The following DUSP4 variants were observed in gnomAD, a reference collection of about 807,000 sequenced individuals.
DUSP4 encodes the protein dual specificity protein phosphatase 4.
In DUSP4, 12 loss-of-function variants were observed where a neutral mutation model predicts 27.2. The observed-to-expected ratio is 0.44, with a 90% confidence interval of 0.28 to 0.71. DUSP4 has a LOEUF of 0.71. DUSP4 is among the 30% of genes least tolerant of loss of function. The probability of loss-of-function intolerance (pLI) is 0.14; values close to 1 mark genes in which losing one functional copy is unlikely to be tolerated. For missense variants in DUSP4, 448 were observed against 551.3 expected (o/e 0.81, Z 1.88); for synonymous variants, 257 against 245.2 (o/e 1.05, Z -0.45).
At chr8:29,339,878 G>C (rs968585591) in intron 2 of DUSP4, among the ~76,000 whole-genome samples, 2 of 149,114 alleles carry the variant, frequency 1.3e-5, no homozygotes, top group African/African-American at 5.0e-5. Context: ...GCCAGGCATG[G>C]TAGTGCCACC....
intron 1 of DUSP4, chr8:29,348,347 G>C: frequency 1.0e-6 from 1 of 985,670 alleles, no homozygotes; most frequent in South Asian, 4.7e-5. Context: ...GCCTAACCAG[G>C]ACCTGGCCCC....
chr8:29,340,482 C>G lies in DUSP4; in HGVS notation c.434-239G>C, dbSNP rs112405498. 1.5e-3 allele frequency among the ~76,000 whole-genome samples: 226 copies of G among 152,264 alleles called. 2 individuals are homozygous for G. The highest frequency in any genetic ancestry group is 2.5e-3 in the Admixed American group (39 of 15,296). On this transcript the variant is annotated intron_variant, in intron 1 of 3. Coordinates refer to ENST00000240100, the MANE Select transcript of DUSP4 (RefSeq NM_001394.7). ...GGAAGGATAAGCTTTATGGACAAGA[C>G]TTGGGTTAGAGAGGTAGACATACAA...
At chr8:29,345,455 G>A in intron 1 of DUSP4, 1 of 1,613,908 alleles carries the variant, frequency 6.2e-7, no homozygotes, top group Non-Finnish European at 8.5e-7. Context: ...CTGGTTTGCA[G>A]TCTCTCCCAG....
chr8:29,339,831 C>CA (rs1374317509), intron 2 of DUSP4, among the ~76,000 whole-genome samples: 2 of 134,396 alleles, frequency 1.5e-5, no homozygotes, highest in East Asian at 2.4e-4. Context: ...TAGCAAGACC[C>CA]CCCCCCCCCA....
chr8:29,345,940 C>CGT lies in DUSP4; in HGVS notation c.433+3905_433+3906insAC, dbSNP rs1817727806. 9.6e-6 allele frequency: 6 copies of CGT among 624,072 alleles called. No individual in the cohort carries two copies. In the South Asian group the frequency reaches 4.8e-4, roughly 50 times the overall value. The allele number at this position is 624,072 out of a possible 1,614,324, so 38.7% of individuals were successfully genotyped here. A position where few individuals can be genotyped will look rare whatever the true frequency, so the allele number is the denominator to read the frequency against. ...TATTACATTTGTAAGCAGAAACTAC[C>CGT]ATATTTGCAAGCAGAAAAGCGAGTC... On this transcript the variant is annotated intron_variant, in intron 1 of 3. Coordinates refer to ENST00000240100, the MANE Select transcript of DUSP4 (RefSeq NM_001394.7).
rs71551628 is a variant in DUSP4 at position 29,339,828 on chromosome 8, A to ACC, written c.579+268_579+269dup. Among the ~76,000 whole-genome samples, 388 of 85,278 alleles carry ACC rather than the reference A, an allele frequency of 4.5e-3. 8 individuals are homozygous for ACC. Among genetic ancestry groups the ACC allele is most frequent in the Middle Eastern group, 0.011 (2 of 178 alleles). The allele number at this position is 85,278 out of a possible 152,430, so 55.9% of individuals were successfully genotyped here. On this transcript the variant is annotated intron_variant, in intron 2 of 3. Coordinates refer to ENST00000240100, the MANE Select transcript of DUSP4 (RefSeq NM_001394.7). ...AGACCAGCCTGGGCAACATAGCAAG[A>ACC]CCCCCCCCCCCCATCTCTACCAAAA...
At chr8:29,345,481 T>G in intron 1 of DUSP4, 1 of 1,607,668 alleles carries the variant, frequency 6.2e-7, no homozygotes, top group South Asian at 1.1e-5. Flanking sequence ...CTGGGCGATC[T>G]GCTATGTTCA....
chr8:29,342,045 T>C (rs760053390), intron 1 of DUSP4, among the ~76,000 whole-genome samples: 22 of 152,110 alleles, frequency 1.4e-4, no homozygotes, highest in Non-Finnish European at 3.1e-4. Flanking sequence ...CTGCAAAAAC[T>C]CACCACCAAG....
chr8:29,347,109 A>G (rs2117276246), intron 1 of DUSP4, among the ~76,000 whole-genome samples: 1 of 152,326 alleles, frequency 6.6e-6, no homozygotes, highest in Non-Finnish European at 1.5e-5. Context: ...CAATTCAGGC[A>G]TTTACTAAAG....
intron 1 of DUSP4, chr8:29,345,830 AACAT>A: frequency 8.9e-7 from 1 of 1,120,616 alleles, no homozygotes; most frequent in Non-Finnish European, 1.1e-6. Flanking sequence ...AATGGTGTCT[AACAT>A]AGTGAGTTTG....
Position 29,350,399 on chromosome 8 carries a change from T to G in DUSP4, c.-121A>C. Reference sequence around the variant, plus strand: ...ACGCCTGCAGAAGTGGCCGCAAACTTGGTCCTCAAGGGCTCCCGCGGGAGA... The same window carrying G: ...ACGCCTGCAGAAGTGGCCGCAAACTGGGTCCTCAAGGGCTCCCGCGGGAGA... On this transcript the variant is annotated 5_prime_UTR_variant, in exon 1 of 4. Coordinates refer to ENST00000240100, the MANE Select transcript of DUSP4 (RefSeq NM_001394.7). 1 of 1,268,682 alleles carries G rather than the reference T, an allele frequency of 7.9e-7. No homozygotes were observed. The highest frequency in any genetic ancestry group is 1.6e-5 in the South Asian group (1 of 62,402). 78.6% of individuals were successfully genotyped at this position (1,268,682 alleles called of 1,614,324 possible).
intron 2 of DUSP4, among the ~76,000 whole-genome samples, chr8:29,339,828 AC>A (rs71551628): frequency 0.058 from 4,944 of 84,990 alleles, 136 homozygotes; most frequent in African/African-American, 0.11. Context: ...ACATAGCAAG[AC>A]CCCCCCCCCC....
chr8:29,350,029 C>G lies in DUSP4; in HGVS notation c.250G>C (p.Glu84Gln), dbSNP rs1377179728. ...TCCTCCTCGGCGGGCAGGATCTGCT[C>G]CAGGCTCACGGAGCCCTTAGCCCGC... is the stretch of plus-strand genomic sequence containing the variant. ...RRRAKGSVSLEQILPAEEEVR... is the reference protein window; with the variant it reads ...RRRAKGSVSLQQILPAEEEVR... Residue 84 changes from glutamate to glutamine, a missense_variant, in exon 1 of 4, where the codon GAG becomes CAG. By Grantham distance (29) the Glu-to-Gln change is conservative. This residue lies in a region of DUSP4 where 345 missense variants were observed against 394.0 expected (regional missense o/e 0.88). Transcript: ENST00000240100. The G allele has an allele frequency of 2.5e-6, 4 of 1,595,050 alleles. No individual in the cohort carries two copies. The African/African-American group carries it at 4.0e-5, about 16-fold the overall frequency.
chr8:29,348,840 G>T, intron 1 of DUSP4: 1 of 980,272 alleles, frequency 1.0e-6, no homozygotes, highest in Non-Finnish European at 1.2e-6. Flanking sequence ...CTACCCGCGC[G>T]GAAGAATGCG....
Position 29,337,516 on chromosome 8 carries a change from G to C in DUSP4, c.800-105C>G. On this transcript the variant is annotated intron_variant, in intron 3 of 3. Coordinates refer to ENST00000240100, the MANE Select transcript of DUSP4 (RefSeq NM_001394.7). The surrounding 1 kb of genome is among the most constrained non-coding windows in gnomAD (Gnocchi z 6.4). ...TCGGGGGGCTCTGAAGGAAGGACTA[G>C]CCGTGCTAGACCAAGGACTGGAGAG... is the stretch of plus-strand genomic sequence containing the variant. 1 of 1,462,200 alleles carries C rather than the reference G, an allele frequency of 6.8e-7. No homozygotes were observed. The highest frequency in any genetic ancestry group is 9.1e-7 in the Non-Finnish European group (1 of 1,102,464). The allele number at this position is 1,462,200 out of a possible 1,614,324, so 90.6% of individuals were successfully genotyped here. A position where few individuals can be genotyped will look rare whatever the true frequency, so the allele number is the denominator to read the frequency against.
intron 1 of DUSP4, chr8:29,345,835 A>G: frequency 1.8e-6 from 2 of 1,102,064 alleles, no homozygotes; most frequent in Non-Finnish European, 1.1e-6. Context: ...TGTCTAACAT[A>G]GTGAGTTTGC....
At chr8:29,344,917 T>A (rs1390011583) in intron 1 of DUSP4, among the ~76,000 whole-genome samples, 1 of 152,112 alleles carries the variant, frequency 6.6e-6, no homozygotes, top group East Asian at 1.9e-4. Context: ...TATGGCTCAC[T>A]GTAGCCTTGA....
intron 1 of DUSP4, among the ~76,000 whole-genome samples, chr8:29,342,950 G>A (rs1440576602): frequency 6.6e-6 from 1 of 152,110 alleles, no homozygotes; most frequent in Non-Finnish European, 1.5e-5. Context: ...GGTGGATCAC[G>A]AGGTCAGGAG....
Position 29,350,373 on chromosome 8 carries a change from G to C in DUSP4, c.-95C>G, listed in dbSNP as rs1817806094. 6 of 1,418,790 alleles carry C rather than the reference G, an allele frequency of 4.2e-6. No homozygotes were observed. Among genetic ancestry groups the C allele is most frequent in the Non-Finnish European group, 5.6e-6 (6 of 1,078,084 alleles). 87.9% of individuals were successfully genotyped at this position (1,418,790 alleles called of 1,614,324 possible). A position where few individuals can be genotyped will look rare whatever the true frequency, so the allele number is the denominator to read the frequency against. On this transcript the variant is annotated 5_prime_UTR_variant, in exon 1 of 4. Coordinates refer to ENST00000240100, the MANE Select transcript of DUSP4 (RefSeq NM_001394.7). ...AAGGGGCGGGCGAGAGCTAAGAAGG[G>C]ACGCCTGCAGAAGTGGCCGCAAACT... is the stretch of plus-strand genomic sequence containing the variant.
Sources: allele counts gnomAD v4.1 joint callset (sites outside exome capture counted in the v4.1 genomes callset), GRCh38; gene constraint gnomAD v4.1.1; regional missense constraint gnomAD v4.1.1; non-coding constraint Gnocchi (gnomAD v3.1); transcripts MANE v1.5; gene names NCBI Gene and HGNC (gene_info 2026-07-23, HGNC 2026-07-21).